The following AOX1 variants were observed in gnomAD, a reference collection of about 807,000 sequenced individuals.
AOX1 encodes aldehyde oxidase.
In AOX1, 153 loss-of-function variants were observed where a neutral mutation model predicts 169.5. That is an observed-to-expected ratio of 0.90 (90% CI 0.79 to 1.03). The LOEUF is 1.03. Among genes scored for constraint, AOX1 ranks in the 50% least tolerant of loss-of-function variants. The probability of loss-of-function intolerance (pLI) is 0.00; values close to 1 mark genes in which losing one functional copy is unlikely to be tolerated. For synonymous variants in AOX1, 562 were observed against 581.9 expected (o/e 0.97, Z 0.49); for missense variants, 1,656 against 1,663.9 (o/e 1.00, Z 0.08).
downstream of AOX1, among the ~76,000 whole-genome samples, chr2:200,679,631 G>A (rs978187259): frequency 4.0e-5 from 6 of 151,790 alleles, no homozygotes; most frequent in African/African-American, 1.5e-4. Context: ...TAAAAATGTG[G>A]AGGAGGTGGC....
chr2:200,679,172 C>A (rs1256134404), downstream of AOX1: 1 of 152,186 alleles, frequency 6.6e-6, no homozygotes, highest in South Asian at 2.1e-4. Flanking sequence ...CATGGCCCAG[C>A]TCTAACACTC....
chr2:200,601,470 G>GAATA (rs1216398346), intron 5 of AOX1, among the ~76,000 whole-genome samples: 1 of 151,986 alleles, frequency 6.6e-6, no homozygotes, highest in Non-Finnish European at 1.5e-5. Context: ...CAAAATAAAT[G>GAATA]AATAAATAAA....
intron 20 of AOX1, among the ~76,000 whole-genome samples, chr2:200,632,237 A>AT (rs892370444): frequency 7.9e-5 from 12 of 151,692 alleles, no homozygotes; most frequent in Admixed American, 7.9e-4. Flanking sequence ...AATCTATAGT[A>AT]TTTTTTAGTA....
chr2:200,604,332 C>T lies in AOX1; in HGVS notation c.669+235C>T, dbSNP rs537807454. Among the ~76,000 whole-genome samples the T allele has an allele frequency of 3.3e-5, 5 of 152,280 alleles. No individual in the cohort carries two copies. In the South Asian group the frequency reaches 8.3e-4, roughly 25 times the overall value. ...AAGCAGCAGATAGCTTCTATAAAATCGTGAAATCACAGTGTTTGTAGGTAT... is the reference window on the plus strand; with the variant it reads ...AAGCAGCAGATAGCTTCTATAAAATTGTGAAATCACAGTGTTTGTAGGTAT... On this transcript the variant is annotated intron_variant, in intron 8 of 34. Coordinates refer to ENST00000374700, the MANE Select transcript of AOX1 (RefSeq NM_001159.4).
In AOX1 at chr2:200,642,548, G is replaced by A. The variant is rs1052461628; in HGVS notation, c.2656-62G>A. The A allele has an allele frequency of 3.3e-6, 5 of 1,504,644 alleles. No individual in the cohort carries two copies. In the East Asian group the frequency reaches 9.2e-5, roughly 28 times the overall value. The allele number at this position is 1,504,644 out of a possible 1,614,324, so 93.2% of individuals were successfully genotyped here. ...CATTTTCGGCCTGGTTTTGGTCTGA[G>A]GTCGTAGGATGGTGAAACAGGTTCA... is the stretch of plus-strand genomic sequence containing the variant. On this transcript the variant is annotated intron_variant, in intron 24 of 34. Transcript: ENST00000374700.
intron 5 of AOX1, among the ~76,000 whole-genome samples, chr2:200,601,019 A>G (rs1339127582): frequency 2.0e-5 from 3 of 147,684 alleles, no homozygotes; most frequent in African/African-American, 7.5e-5. Context: ...TTTAATAACT[A>G]CCTTTGCTGC....
At chr2:200,651,428 G>A (rs1037116948) in intron 26 of AOX1, among the ~76,000 whole-genome samples, 4 of 152,186 alleles carry the variant, frequency 2.6e-5, no homozygotes, top group Non-Finnish European at 4.4e-5. Context: ...CATTCTTGCT[G>A]GAAATTGGGA....
At chr2:200,659,444 C>T (rs2035767133) in intron 28 of AOX1, 151 bp downstream of exon 28, 23 of 804,074 alleles carry the variant, frequency 2.9e-5, no homozygotes, top group Non-Finnish European at 2.3e-5. Flanking sequence ...CAGTGGTTCT[C>T]CTGTGCTGGA....
chr2:200,668,849 G>A lies in AOX1; in HGVS notation c.3798+46G>A. 4 of 1,538,158 alleles carry A rather than the reference G, an allele frequency of 2.6e-6. No individual in the cohort carries two copies. The Admixed American group carries it at 7.3e-5, about 28-fold the overall frequency. ...AAATATGCATGTTTATATGATACCT[G>A]TTGGGTGACAGGAAGGCTACATTCC... is the stretch of plus-strand genomic sequence containing the variant. On this transcript the variant is annotated intron_variant, in intron 33 of 34. Transcript: ENST00000374700.
In AOX1 at chr2:200,657,177, T is replaced by A. The variant is rs1320373974; in HGVS notation, c.3171+240T>A. 5.3e-4 allele frequency among the ~76,000 whole-genome samples: 33 copies of A among 62,592 alleles called. No individual in the cohort carries two copies. In the East Asian group the frequency reaches 9.3e-3, roughly 18 times the overall value. The allele number at this position is 62,592 out of a possible 152,430, so 41.1% of individuals were successfully genotyped here. A position where few individuals can be genotyped will look rare whatever the true frequency, so the allele number is the denominator to read the frequency against. On this transcript the variant is annotated intron_variant, in intron 27 of 34. Transcript: ENST00000374700. Reference sequence around the variant, plus strand: ...CATCTCTACCAAAAATATATATATATATATATATATATATTTTTTTTTTTT... The same window carrying A: ...CATCTCTACCAAAAATATATATATAAATATATATATATATTTTTTTTTTTT...
At chr2:200,658,326 T>G (rs1332200294) in intron 27 of AOX1, among the ~76,000 whole-genome samples, 1 of 152,262 alleles carries the variant, frequency 6.6e-6, no homozygotes, top group Non-Finnish European at 1.5e-5. Context: ...CATTTACATT[T>G]TTCTGAGTAT....
rs879455250 is a variant in AOX1, at chr2:200,655,002, A to C, written c.3076-1840A>C. 5.9e-5 allele frequency among the ~76,000 whole-genome samples: 9 copies of C among 152,234 alleles called. 1 individual carries two copies. Among genetic ancestry groups the C allele is most frequent in the Admixed American group, 5.9e-4 (9 of 15,284 alleles). Reference sequence around the variant, plus strand: ...GCTGAATGCTATAACCAGCAGGGTCACACAATGTTGGAAAAGTATAATCCA... The same window carrying C: ...GCTGAATGCTATAACCAGCAGGGTCCCACAATGTTGGAAAAGTATAATCCA... On this transcript the variant is annotated intron_variant, in intron 26 of 34. Transcript: ENST00000374700.
chr2:200,639,734 A>G (rs1363825831), intron 23 of AOX1, among the ~76,000 whole-genome samples: 1 of 152,144 alleles, frequency 6.6e-6, no homozygotes, highest in Non-Finnish European at 1.5e-5. Flanking sequence ...AAGGTAAAAG[A>G]TAGGTCTTCA....
In AOX1 at chr2:200,595,351, C is replaced by T. The variant is rs1237511951; in HGVS notation, c.183C>T (p.Pro61=). ...ACTVMISRYN[P]ITKRIRHHPA... is the part of the protein sequence containing the mutation. ...CAGTGATGATATCACGATACAACCCCATCACCAAGAGGATAAGGTACCGTG... is the reference window on the plus strand; with the variant it reads ...CAGTGATGATATCACGATACAACCCTATCACCAAGAGGATAAGGTACCGTG... The change falls in exon 3 of 35, where the codon CCC becomes CCT. Residue 61 remains proline, a synonymous_variant. Coordinates refer to ENST00000374700, the MANE Select transcript of AOX1 (RefSeq NM_001159.4). 3.7e-6 allele frequency: 6 copies of T among 1,612,158 alleles called. No individual in the cohort carries two copies. In the Admixed American group the frequency reaches 5.0e-5, roughly 13 times the overall value.
chr2:200,608,873 C>A, intron 10 of AOX1, 111 bp from the exon 11 acceptor site: 1 of 905,592 alleles, frequency 1.1e-6, no homozygotes, highest in Non-Finnish European at 1.7e-6. Flanking sequence ...CACCAATAAG[C>A]AGGGCAGCAT....
At chr2:200,615,161 A>G (rs2034726696) in intron 15 of AOX1, among the ~76,000 whole-genome samples, 1 of 152,022 alleles carries the variant, frequency 6.6e-6, no homozygotes, top group Non-Finnish European at 1.5e-5. Context: ...ATGCACCACC[A>G]TGCCCAGCTA....
chr2:200,620,384 T>G (rs113359736), intron 16 of AOX1, among the ~76,000 whole-genome samples: 878 of 66,966 alleles, frequency 0.013, 6 homozygotes, highest in Middle Eastern at 0.045. Flanking sequence ...GTTTTGTTTT[T>G]TTTTAGTAGA....
At chr2:200,593,802 T>G (rs926679539) in intron 2 of AOX1, among the ~76,000 whole-genome samples, 2 of 152,102 alleles carry the variant, frequency 1.3e-5, no homozygotes, top group Non-Finnish European at 2.9e-5. Context: ...CTCCAAAGCA[T>G]CAATAATTAT....
chr2:200,621,028 A>C, intron 17 of AOX1, 92 bp from the exon 18 acceptor site: 9 of 1,448,128 alleles, frequency 6.2e-6, no homozygotes, highest in Non-Finnish European at 8.4e-6. Flanking sequence ...ACTGTTGGAC[A>C]GTTCTTACCT....
Sources: allele counts gnomAD v4.1 joint callset (sites outside exome capture counted in the v4.1 genomes callset), GRCh38; gene constraint gnomAD v4.1.1; transcripts MANE v1.5; gene names NCBI Gene and HGNC (gene_info 2026-07-23, HGNC 2026-07-21).